The following PCDHAC2 variants were observed in gnomAD, a reference collection of about 807,000 sequenced individuals.
PCDHAC2 encodes the protein protocadherin alpha subfamily C, 2.
Under a neutral mutation model 63.3 loss-of-function variants are expected in PCDHAC2, and 24 were observed. That is an observed-to-expected ratio of 0.38 (90% CI 0.27 to 0.53). The LOEUF is 0.53. Among genes scored for constraint, PCDHAC2 ranks in the 20% least tolerant of loss-of-function variants. The pLI, the probability that PCDHAC2 is intolerant of heterozygous loss-of-function variation, is 0.81. For missense variants in PCDHAC2, 1,181 were observed against 1,275.2 expected, an observed-to-expected ratio of 0.93 and a Z score of 1.12; for synonymous variants, 569 against 529.4, an observed-to-expected ratio of 1.07 and a Z score of -1.03.
In PCDHAC2 at chr5:140,969,210, C is replaced by T; in HGVS notation, c.2444C>T (p.Thr815Ile). Residue 815 changes from threonine to isoleucine, a missense_variant, in exon 1 of 4, where the codon ACA becomes ATA. By Grantham distance (89) the Thr-to-Ile change is moderately conservative. Transcript: ENST00000289269. ...ATGTTTTACAATACAGGGGCCCAGA[C>T]AGGACCAGGGCCTTCGGGAGCCCAA... ...TFMFYNTGAQTGPGPSGAQAA... is the reference protein window; with the variant it reads ...TFMFYNTGAQIGPGPSGAQAA... 6.2e-6 allele frequency: 10 copies of T among 1,614,184 alleles called. No homozygotes were observed. The highest frequency in any genetic ancestry group is 8.5e-6 in the Non-Finnish European group (10 of 1,180,036).
intron 1 of PCDHAC2, among the ~76,000 whole-genome samples, chr5:140,977,783 T>TATATGA (rs1488853966): frequency 1.3e-5 from 2 of 152,252 alleles, no homozygotes; most frequent in African/African-American, 4.8e-5. Context: ...TTAAAGGAAC[T>TATATGA]ATATGAATGA....
In PCDHAC2 at chr5:140,968,563, T is replaced by G; in HGVS notation, c.1797T>G (p.Pro599=). 1 of 1,614,204 alleles carries G rather than the reference T, an allele frequency of 6.2e-7. No individual in the cohort carries two copies. Among genetic ancestry groups the G allele is most frequent in the South Asian group, 1.1e-5 (1 of 91,078 alleles). ...TCGAGATGGTGCCTCGAACTGCCCC[T>G]GCTGGCTACCTGGTCACCAAAGTCA... ...AAFEMVPRTA[P]AGYLVTKVIA... is the part of the protein sequence containing the mutation. Residue 599 remains proline, a synonymous_variant, in exon 1 of 4, where the codon CCT becomes CCG. Coordinates refer to ENST00000289269, the MANE Select transcript of PCDHAC2 (RefSeq NM_018899.6).
At chr5:140,984,254 G>A (rs553931247) in intron 3 of PCDHAC2, among the ~76,000 whole-genome samples, 1 of 152,278 alleles carries the variant, frequency 6.6e-6, no homozygotes, top group East Asian at 1.9e-4. Flanking sequence ...GACCTGGTAA[G>A]CCACAAACTA....
intron 3 of PCDHAC2, chr5:140,989,112 T>C (rs1312650713): frequency 1.3e-5 from 2 of 152,222 alleles, no homozygotes; most frequent in Non-Finnish European, 2.9e-5. Context: ...CTTTTGAATA[T>C]ATCTTAGAAA....
rs2098421039 is a variant in PCDHAC2, at chr5:141,011,549, G to GA, written c.*1615dup. 1 of 153,674 alleles carries GA rather than the reference G, an allele frequency of 6.5e-6. No individual in the cohort carries two copies. The highest frequency in any genetic ancestry group is 1.5e-5 in the Non-Finnish European group (1 of 68,008). The allele number at this position is 153,674 out of a possible 1,614,324, so 9.5% of individuals were successfully genotyped here. A position where few individuals can be genotyped will look rare whatever the true frequency, so the allele number is the denominator to read the frequency against. Reference sequence around the variant, plus strand: ...CCATTGTTAATCAGCTTTTGTGTATGAAAGACACAGTAAAATTTCTTTCTT... The same window carrying GA: ...CCATTGTTAATCAGCTTTTGTGTATGAAAAGACACAGTAAAATTTCTTTCTT... On this transcript the variant is annotated 3_prime_UTR_variant, in exon 4 of 4. Coordinates refer to ENST00000289269, the MANE Select transcript of PCDHAC2 (RefSeq NM_018899.6).
intron 1 of PCDHAC2, among the ~76,000 whole-genome samples, chr5:140,973,304 C>G (rs1252823783): frequency 6.6e-6 from 1 of 152,126 alleles, no homozygotes; most frequent in Non-Finnish European, 1.5e-5. Context: ...TCTGATGACT[C>G]TATCCTGGAA....
chr5:141,007,277 C>T (rs2098312243), intron 3 of PCDHAC2, among the ~76,000 whole-genome samples: 1 of 151,304 alleles, frequency 6.6e-6, no homozygotes, highest in Non-Finnish European at 1.5e-5. Context: ...AGGCTGGGTG[C>T]AGTGGGCTCA....
At chr5:140,998,522 A>G (rs2097818629) in intron 3 of PCDHAC2, among the ~76,000 whole-genome samples, 1 of 151,980 alleles carries the variant, frequency 6.6e-6, no homozygotes, top group South Asian at 2.1e-4. Context: ...TATTATTCAT[A>G]TTTATATCCC....
intron 3 of PCDHAC2, among the ~76,000 whole-genome samples, chr5:140,982,886 G>A (rs1310342145): frequency 1.3e-5 from 2 of 152,114 alleles, no homozygotes; most frequent in Admixed American, 6.6e-5. Flanking sequence ...GCCATGCAGA[G>A]AAGATCTGGT....
In PCDHAC2 at chr5:140,968,141, A is replaced by G; in HGVS notation, c.1375A>G (p.Ile459Val). The G allele has an allele frequency of 6.2e-7, 1 of 1,614,110 alleles. No homozygotes were observed. The highest frequency in any genetic ancestry group is 8.5e-7 in the Non-Finnish European group (1 of 1,180,016). The change falls in exon 1 of 4, where the codon ATC becomes GTC. Residue 459 changes from isoleucine (I) to valine (V), a missense_variant. Coordinates refer to ENST00000289269, the MANE Select transcript of PCDHAC2 (RefSeq NM_018899.6). ...ATCCCTGCGTACACTGAAGGTTGAGATCTCTGACATCAATGACAATCCACC... is the reference window on the plus strand; with the variant it reads ...ATCCCTGCGTACACTGAAGGTTGAGGTCTCTGACATCAATGACAATCCACC... Reference protein sequence around the residue: ...LTSLRTLKVEISDINDNPPSF... With the variant: ...LTSLRTLKVEVSDINDNPPSF...
chr5:140,986,042 C>T (rs1344724281), intron 3 of PCDHAC2, among the ~76,000 whole-genome samples: 1 of 152,104 alleles, frequency 6.6e-6, no homozygotes, highest in Admixed American at 6.5e-5. Context: ...CCTGGCCTCA[C>T]TGATGAATTC....
intron 3 of PCDHAC2, among the ~76,000 whole-genome samples, chr5:141,002,788 A>G (rs1013908430): frequency 6.6e-6 from 1 of 152,192 alleles, no homozygotes; most frequent in Admixed American, 6.5e-5. Context: ...TCTCCATTTT[A>G]TGGATGAGGA....
chr5:141,005,118 C>T (rs546410334), intron 3 of PCDHAC2, among the ~76,000 whole-genome samples: 1 of 152,198 alleles, frequency 6.6e-6, no homozygotes, highest in South Asian at 2.1e-4. Flanking sequence ...CTTTAGGGAC[C>T]CCAAAAGTGC....
intron 3 of PCDHAC2, among the ~76,000 whole-genome samples, chr5:140,985,728 C>G (rs2097165709): frequency 6.7e-6 from 1 of 148,846 alleles, no homozygotes; most frequent in Admixed American, 6.8e-5. Flanking sequence ...TTTTCCTTCA[C>G]TGATGAATTC....
intron 2 of PCDHAC2, among the ~76,000 whole-genome samples, chr5:140,979,906 C>T (rs190577549): frequency 1.8e-4 from 27 of 152,204 alleles, no homozygotes; most frequent in African/African-American, 5.5e-4. Context: ...TAGATCAGTT[C>T]GTAAAGAGAA....
intron 3 of PCDHAC2, among the ~76,000 whole-genome samples, chr5:140,990,912 A>G (rs1415853627): frequency 1.3e-5 from 2 of 152,148 alleles, no homozygotes; most frequent in African/African-American, 4.8e-5. Context: ...CAAGTTTTAT[A>G]AGTCTTTAAA....
Position 140,967,400 on chromosome 5 carries a change from C to T in PCDHAC2, c.634C>T (p.Arg212Cys). Residue 212 changes from arginine to cysteine, a missense_variant, in exon 1 of 4, where the codon CGT becomes TGT. Transcript: ENST00000289269. The part of the protein sequence containing the change: ...ENSKVLELVL[R>C]KGLDREQAAL... Reference sequence around the variant, plus strand: ...CAGTAAAGTGCTTGAGCTGGTGCTGCGTAAGGGCCTAGACCGGGAGCAGGC... The same window carrying T: ...CAGTAAAGTGCTTGAGCTGGTGCTGTGTAAGGGCCTAGACCGGGAGCAGGC... 6.2e-7 allele frequency: 1 copy of T among 1,611,718 alleles called. No individual in the cohort carries two copies. Among genetic ancestry groups the T allele is most frequent in the South Asian group, 1.1e-5 (1 of 90,894 alleles).
Position 141,009,995 on chromosome 5 carries a change from C to T in PCDHAC2, c.*58C>T, listed in dbSNP as rs1178395504. 6.3e-7 allele frequency: 1 copy of T among 1,576,476 alleles called. No individual in the cohort carries two copies. The highest frequency in any genetic ancestry group is 8.6e-7 in the Non-Finnish European group (1 of 1,165,244). ...TTTTTGTAATAATGGCAAATCTCTC[C>T]CATGTAGCAATTCCCTGCTCCTTTT... On this transcript the variant is annotated 3_prime_UTR_variant, in exon 4 of 4. Coordinates refer to ENST00000289269, the MANE Select transcript of PCDHAC2 (RefSeq NM_018899.6).
chr5:141,002,099 GC>G (rs1399073427), intron 3 of PCDHAC2, among the ~76,000 whole-genome samples: 9 of 152,362 alleles, frequency 5.9e-5, no homozygotes, highest in Non-Finnish European at 1.2e-4. Flanking sequence ...CAGGGGCTGG[GC>G]CGGAAACGGC....
Sources: allele counts gnomAD v4.1 joint callset (sites outside exome capture counted in the v4.1 genomes callset), GRCh38; gene constraint gnomAD v4.1.1; transcripts MANE v1.5; gene names NCBI Gene and HGNC (gene_info 2026-07-23, HGNC 2026-07-21).